CBFA2T2: variants seen among roughly 807,000 people sequenced by gnomAD.
The protein encoded by CBFA2T2 is protein CBFA2T2.
A neutral mutation model predicts 62.2 loss-of-function variants in CBFA2T2; 11 were observed. The ratio of observed to expected loss-of-function variants is 0.18; its 90% CI spans 0.11 to 0.29. The LOEUF (loss-of-function observed/expected upper bound fraction) is 0.29, where lower values mean the gene tolerates loss of function less well. CBFA2T2 is among the 10% of genes least tolerant of loss of function. The probability of loss-of-function intolerance (pLI) is 1.00; values close to 1 mark genes in which losing one functional copy is unlikely to be tolerated. For missense variants in CBFA2T2, 592 were observed against 774.1 expected (o/e 0.76, Z 2.79); for synonymous variants, 295 against 287.5 (o/e 1.03, Z -0.27).
chr20:33,514,505 G>A (rs1417130795), intron 1 of CBFA2T2, among the ~76,000 whole-genome samples: 1 of 151,904 alleles, frequency 6.6e-6, no homozygotes, highest in African/African-American at 2.4e-5. Context: ...AGAGCACCAA[G>A]GAGGCTAGCA....
Position 33,517,452 on chromosome 20 carries a change from GT to G in CBFA2T2, c.34+27166del, listed in dbSNP as rs1162658335. On this transcript the variant is annotated intron_variant, in intron 1 of 10. Transcript: ENST00000342704. ...GACTGGTTTTTTTGGTTTTTTTGGT[GT>G]TTTTTTTTTTTTTTGAGACAGAGTC... Among the ~76,000 whole-genome samples, 759 of 148,082 alleles carry G rather than the reference GT, an allele frequency of 5.1e-3. 4 individuals are homozygous for G. The highest frequency in any genetic ancestry group is 0.018 in the African/African-American group (728 of 40,084).
intron 5 of CBFA2T2, among the ~76,000 whole-genome samples, 200 bp downstream of exon 5, chr20:33,623,496 G>A (rs1251585658): frequency 2.0e-5 from 3 of 152,208 alleles, no homozygotes; most frequent in Admixed American, 2.0e-4. Context: ...GGGCTCAAGC[G>A]ATCCTCTCAC....
In CBFA2T2 at chr20:33,601,529, C is replaced by T. The variant is rs554733574; in HGVS notation, c.35-5427C>T. Among the ~76,000 whole-genome samples, 35 of 151,510 alleles carry T rather than the reference C, an allele frequency of 2.3e-4. 1 individual carries two copies. Among genetic ancestry groups the T allele is most frequent in the Non-Finnish European group, 3.1e-4 (21 of 67,816 alleles). ...ATCCGCCCGCCTCAGCTTCCCAAAG[C>T]GCTGGGATTACAGGCATGAGCCACC... is the stretch of plus-strand genomic sequence containing the variant. On this transcript the variant is annotated intron_variant, in intron 1 of 10. Coordinates refer to ENST00000342704, the MANE Select transcript of CBFA2T2 (RefSeq NM_001032999.3).
At chr20:33,637,749 C>T (rs2016680788) in intron 9 of CBFA2T2, among the ~76,000 whole-genome samples, 1 of 151,182 alleles carries the variant, frequency 6.6e-6, no homozygotes, top group South Asian at 2.1e-4. Context: ...CTCACTGCAA[C>T]TTCCGCCTCC....
At chr20:33,587,508 C>T (rs1349929572) in intron 1 of CBFA2T2, among the ~76,000 whole-genome samples, 2 of 152,060 alleles carry the variant, frequency 1.3e-5, no homozygotes, top group East Asian at 1.9e-4. Flanking sequence ...CCTCGTGATC[C>T]GCCCCCCTTG....
At chr20:33,535,607 TATTTTTTTA>T (rs2012185879) in intron 1 of CBFA2T2, among the ~76,000 whole-genome samples, 1 of 146,408 alleles carries the variant, frequency 6.8e-6, no homozygotes, top group African/African-American at 2.6e-5. Flanking sequence ...GTTTTATTTT[TATTTTTTTA>T]TTTTTTCTTT....
intron 1 of CBFA2T2, among the ~76,000 whole-genome samples, chr20:33,542,589 T>C (rs2012435879): frequency 6.6e-6 from 1 of 152,224 alleles, no homozygotes; most frequent in Admixed American, 6.5e-5. Flanking sequence ...TTTAAACTTA[T>C]ATGTCTTATT....
chr20:33,492,950 C>A (rs974633482), intron 1 of CBFA2T2, among the ~76,000 whole-genome samples: 7 of 151,240 alleles, frequency 4.6e-5, no homozygotes, highest in African/African-American at 1.7e-4. Flanking sequence ...TTTGTAGAGA[C>A]GGGGTTTAAC....
chr20:33,517,107 A>T (rs887516787), intron 1 of CBFA2T2, among the ~76,000 whole-genome samples: 8 of 152,210 alleles, frequency 5.3e-5, no homozygotes, highest in African/African-American at 1.9e-4. Flanking sequence ...TTTCTCAGAA[A>T]GTGCAGAGTC....
At chr20:33,581,794 A>G (rs6120309) in intron 1 of CBFA2T2, among the ~76,000 whole-genome samples, 63,675 of 151,996 alleles carry the variant, frequency 0.42, 15,298 homozygotes, top group African/African-American at 0.66. Context: ...GAATTTGCAA[A>G]TCAGTGAACT....
chr20:33,494,110 A>G (rs1213046981), intron 1 of CBFA2T2, among the ~76,000 whole-genome samples: 2 of 150,734 alleles, frequency 1.3e-5, no homozygotes, highest in African/African-American at 4.9e-5. Context: ...CAAACTCCTG[A>G]CCTAAAGTGA....
intron 1 of CBFA2T2, among the ~76,000 whole-genome samples, chr20:33,551,287 G>A (rs2012735326): frequency 6.6e-6 from 1 of 151,628 alleles, no homozygotes; most frequent in Non-Finnish European, 1.5e-5. Flanking sequence ...CGTAATCTCG[G>A]CTCACTGCAA....
intron 1 of CBFA2T2, among the ~76,000 whole-genome samples, chr20:33,564,459 G>A (rs922711069): frequency 1.3e-5 from 2 of 151,798 alleles, no homozygotes; most frequent in South Asian, 4.2e-4. Flanking sequence ...GTTTTACCAT[G>A]TTGGTCAGGC....
intron 7 of CBFA2T2, among the ~76,000 whole-genome samples, chr20:33,628,839 TTGCTTTTAATAAAAGC>T (rs2016347364): frequency 1.3e-5 from 2 of 152,220 alleles, no homozygotes; most frequent in South Asian, 2.1e-4. Context: ...ATGACATCCT[TTGCTTTTAATAAAAGC>T]TGGTTTAGCT....
intron 10 of CBFA2T2, 95 bp from the exon 11 acceptor site, chr20:33,644,252 C>G: frequency 7.1e-7 from 1 of 1,405,382 alleles, no homozygotes; most frequent in Non-Finnish European, 9.7e-7. Context: ...AGCTGGGGTT[C>G]TCTACATACA....
At chr20:33,600,182 GTTTTTTTTTTTTTT>G (rs1183371343) in intron 1 of CBFA2T2, among the ~76,000 whole-genome samples, 1 of 62,046 alleles carries the variant, frequency 1.6e-5, no homozygotes, top group African/African-American at 6.5e-5. Flanking sequence ...CTTTTGGAAA[GTTTTTTTTTTTTTT>G]TTTTTTTTTT....
Position 33,629,822 on chromosome 20 carries a change from G to GAAACT in CBFA2T2, c.1137_1138insAACTA (p.Arg380AsnfsTer10). 8 of 1,614,062 alleles carry GAAACT rather than the reference G, an allele frequency of 5.0e-6. No individual in the cohort carries two copies. The highest frequency in any genetic ancestry group is 6.8e-6 in the Non-Finnish European group (8 of 1,179,962). Reference sequence around the variant, plus strand: ...CGTGAAGAACTCAACTACTGGAAAAGACGGTACAATGAAAACACAGAGCTG... The same window carrying GAAACT: ...CGTGAAGAACTCAACTACTGGAAAAGAAACTACGGTACAATGAAAACACAGAGCTG... On this transcript the variant is annotated frameshift_variant, in exon 8 of 11. Coordinates refer to ENST00000342704, the MANE Select transcript of CBFA2T2 (RefSeq NM_001032999.3). LOFTEE classifies it high-confidence loss of function.
chr20:33,624,701 CAG>C, intron 5 of CBFA2T2, 61 bp from the exon 6 acceptor site: 1 of 1,574,258 alleles, frequency 6.4e-7, no homozygotes, highest in East Asian at 2.2e-5. Context: ...AGTAGGTTCT[CAG>C]GAAATGTCTG....
chr20:33,623,176 C>T lies in CBFA2T2; in HGVS notation c.572C>T (p.Pro191Leu), dbSNP rs1236224987. 1.2e-6 allele frequency: 2 copies of T among 1,614,256 alleles called. No homozygotes were observed. Among genetic ancestry groups the T allele is most frequent in the Non-Finnish European group, 1.7e-6 (2 of 1,180,046 alleles). Residue 191 changes from proline (P) to leucine (L), a missense_variant, in exon 5 of 11, where the codon CCA becomes CTA. Transcript: ENST00000342704. ...LHCARAAKQT[P>L]SQYLAQHEHL... ...TGCGCTCGGGCGGCCAAGCAGACCC[C>T]ATCCCAGTACCTGGCTCAGCACGAA...
Sources: allele counts gnomAD v4.1 joint callset (sites outside exome capture counted in the v4.1 genomes callset), GRCh38; gene constraint gnomAD v4.1.1; transcripts MANE v1.5; gene names NCBI Gene and HGNC (gene_info 2026-07-23, HGNC 2026-07-21).